USP9X: variants seen among roughly 807,000 people sequenced by gnomAD.
The protein encoded by USP9X is ubiquitin carboxyl-terminal hydrolase 9X.
A neutral mutation model predicts 190.3 loss-of-function variants in USP9X; 7 were observed. The ratio of observed to expected loss-of-function variants is 0.04; its 90% CI spans 0.02 to 0.07. The LOEUF (loss-of-function observed/expected upper bound fraction) is 0.07. Among genes scored for constraint, USP9X ranks in the 10% least tolerant of loss-of-function variants. The pLI, the probability that USP9X is intolerant of heterozygous loss-of-function variation, is 1.00. For missense variants in USP9X, 1,010 were observed against 1,916.9 expected (o/e 0.53, Z 8.83); for synonymous variants, 645 against 659.5 (o/e 0.98, Z 0.34).
chrX:41,183,937 A>G, intron 21 of USP9X, 61 bp from the exon 22 acceptor site: 2 of 1,132,062 alleles, frequency 1.8e-6, no homozygotes, highest in Non-Finnish European at 2.3e-6. Context: ...CAAGATATCA[A>G]AAGTTAAATA....
chrX:41,196,065 A>C, intron 26 of USP9X, 186 bp from the exon 27 acceptor site: 1 of 522,280 alleles, frequency 1.9e-6, no homozygotes, highest in Non-Finnish European at 3.4e-6. Flanking sequence ...ATAGAGCTTA[A>C]GTTCATGTAT....
rs776969041 is a variant in USP9X, at chrX:41,219,158, G to A, written c.6492G>A (p.Leu2164=). 1.6e-5 allele frequency: 19 copies of A among 1,209,370 alleles called. No individual in the cohort carries two copies. The highest frequency in any genetic ancestry group is 6.7e-6 in the Non-Finnish European group (6 of 894,653). ...TACTAAGAGCAGTACTAAATCTCTT[G>A]AGAAGGGAAGTTTCAGAGCATGGGC... ...DHLLRAVLNL[L]RREVSEHGRH... is the part of the protein sequence containing the mutation. Residue 2164 remains leucine (L), a synonymous_variant, in exon 38 of 45, where the codon TTG becomes TTA. Transcript: ENST00000378308.
intron 21 of USP9X, among the ~76,000 whole-genome samples, chrX:41,182,596 G>A (rs909547653): frequency 1.8e-5 from 2 of 110,385 alleles, no homozygotes; most frequent in African/African-American, 6.6e-5. Context: ...TGCTTGCAGG[G>A]TTTTGCATGG....
intron 31 of USP9X, among the ~76,000 whole-genome samples, chrX:41,202,247 C>G (rs1038070240): frequency 8.9e-6 from 1 of 111,806 alleles, no homozygotes; most frequent in Non-Finnish European, 1.9e-5. Flanking sequence ...AATAGTCTCA[C>G]GTAGTCTTGT....
chrX:41,139,157 T>C, intron 6 of USP9X, among the ~76,000 whole-genome samples: 1 of 112,558 alleles, frequency 8.9e-6, no homozygotes. Flanking sequence ...TTATAGTTAC[T>C]GAAGAAATAA....
intron 14 of USP9X, among the ~76,000 whole-genome samples, chrX:41,159,840 A>T (rs2147098374): frequency 9.0e-6 from 1 of 111,402 alleles, no homozygotes; most frequent in South Asian, 3.8e-4. Context: ...CCATTTTTAT[A>T]TGAAATGCCT....
intron 33 of USP9X, 104 bp downstream of exon 33, chrX:41,210,786 A>T: frequency 2.6e-6 from 2 of 771,221 alleles, no homozygotes; most frequent in South Asian, 5.8e-5. Flanking sequence ...TATATCACTG[A>T]TTACTAAATA....
chrX:41,166,943 T>G (rs1327437605), intron 16 of USP9X, among the ~76,000 whole-genome samples: 1 of 111,906 alleles, frequency 8.9e-6, no homozygotes, highest in Non-Finnish European at 1.9e-5. Context: ...AAGGAAAATA[T>G]GTTTTCTTAC....
intron 1 of USP9X, among the ~76,000 whole-genome samples, chrX:41,096,008 G>A (rs908523831): frequency 8.9e-6 from 1 of 112,206 alleles, no homozygotes; most frequent in Non-Finnish European, 1.9e-5. Context: ...GAGCTAAAAA[G>A]CAAAACACCT....
intron 26 of USP9X, among the ~76,000 whole-genome samples, chrX:41,190,852 C>T (rs1301916051): frequency 1.8e-5 from 2 of 111,485 alleles, no homozygotes; most frequent in Non-Finnish European, 3.8e-5. Context: ...CTCATTATGT[C>T]ACCATATTGT....
At position 41,147,978 on chromosome X, in the gene USP9X, A is replaced by G. The variant is rs140377703; in HGVS notation, c.1420-391A>G. ...GTTTTGGGGGGGACATTCGAACCATAGCAGTAACTTTACTCATAAAACTTT... is the reference window on the plus strand; with the variant it reads ...GTTTTGGGGGGGACATTCGAACCATGGCAGTAACTTTACTCATAAAACTTT... On this transcript the variant is annotated intron_variant, in intron 11 of 44. Transcript: ENST00000378308. 6.7e-3 allele frequency among the ~76,000 whole-genome samples: 746 copies of G among 111,211 alleles called. 6 individuals are homozygous for G. Among genetic ancestry groups the G allele is most frequent in the African/African-American group, 0.023 (701 of 30,554 alleles).
intron 32 of USP9X, among the ~76,000 whole-genome samples, chrX:41,209,078 T>C (rs1017830349): frequency 1.4e-4 from 16 of 111,881 alleles, no homozygotes; most frequent in Non-Finnish European, 1.9e-5. Context: ...ATATATCTTA[T>C]AAGAGATCAT....
intron 38 of USP9X, among the ~76,000 whole-genome samples, chrX:41,220,171 C>T (rs899053030): frequency 1.2e-4 from 13 of 111,416 alleles, no homozygotes; most frequent in Admixed American, 1.9e-4. Context: ...TTGTCTTTTC[C>T]GTAATTGCAG....
At position 41,158,780 on chromosome X, in the gene USP9X, C is replaced by A. The variant is rs2062602155; in HGVS notation, c.1898-4010C>A. Among the ~76,000 whole-genome samples, 3 of 111,532 alleles carry A rather than the reference C, an allele frequency of 2.7e-5. No homozygotes were observed. The South Asian group carries it at 1.1e-3, about 42-fold the overall frequency. The stretch of plus-strand genomic sequence containing the variant: ...CTGTGCAGCCCCGTTTCTAACAGGC[C>A]ACAGACCTGACAGACATCTGTGGAA... On this transcript the variant is annotated intron_variant, in intron 14 of 44. Coordinates refer to ENST00000378308, the MANE Select transcript of USP9X (RefSeq NM_001039591.3).
chrX:41,191,553 G>T (rs1408751791), intron 26 of USP9X, among the ~76,000 whole-genome samples: 1 of 111,545 alleles, frequency 9.0e-6, no homozygotes, highest in African/African-American at 3.3e-5. Flanking sequence ...GAAATTAAAT[G>T]ACTAACAAGG....
At chrX:41,150,602 T>C (rs761739835) in intron 12 of USP9X, among the ~76,000 whole-genome samples, 13 of 111,521 alleles carry the variant, frequency 1.2e-4, no homozygotes, top group Non-Finnish European at 2.4e-4. Context: ...ACCTACCCTC[T>C]GGCAAACTTG....
intron 1 of USP9X, among the ~76,000 whole-genome samples, chrX:41,122,321 A>G (rs1379123167): frequency 8.9e-6 from 1 of 111,926 alleles, no homozygotes; most frequent in African/African-American, 3.3e-5. Flanking sequence ...GTTTATGTTA[A>G]AAGTACTTAG....
intron 6 of USP9X, among the ~76,000 whole-genome samples, chrX:41,139,834 G>C (rs1426233599): frequency 9.0e-6 from 1 of 111,471 alleles, no homozygotes; most frequent in Non-Finnish European, 1.9e-5. Flanking sequence ...TTTGCTCCTT[G>C]TTTTCCAGTG....
intron 1 of USP9X, among the ~76,000 whole-genome samples, chrX:41,114,000 A>G (rs937377543): frequency 8.9e-6 from 1 of 112,774 alleles, no homozygotes; most frequent in African/African-American, 3.2e-5. Flanking sequence ...TAACTAGTAC[A>G]TTCTCTACTA....
Sources: allele counts gnomAD v4.1 joint callset (sites outside exome capture counted in the v4.1 genomes callset), GRCh38; gene constraint gnomAD v4.1.1; transcripts MANE v1.5; gene names NCBI Gene and HGNC (gene_info 2026-07-23, HGNC 2026-07-21).